Variants in ANKS1B observed in about 807,000 individuals in gnomAD.
The protein encoded by ANKS1B is ankyrin repeat and sterile alpha motif domain containing 1B, also known as ankyrin repeat and sterile alpha motif domain-containing protein 1B.
In ANKS1B, 36 loss-of-function variants were observed where a neutral mutation model predicts 148.3. The observed-to-expected ratio is 0.24, with a 90% CI of 0.19 to 0.32. The LOEUF (loss-of-function observed/expected upper bound fraction) is 0.32. Among genes scored for constraint, ANKS1B ranks in the 10% least tolerant of loss-of-function variants. ANKS1B has a pLI of 1.00. For synonymous variants in ANKS1B, 542 were observed against 560.8 expected (o/e 0.97, Z 0.47); for missense variants, 1,157 against 1,542.6 (o/e 0.75, Z 4.19).
intron 17 of ANKS1B, among the ~76,000 whole-genome samples, chr12:99,021,473 G>T (rs4762540): frequency 0.4 from 61,208 of 151,720 alleles, 12,615 homozygotes; most frequent in South Asian, 0.51. Flanking sequence ...CTCATTTGGG[G>T]GCATGCTTAG....
chr12:99,876,877 C>T (rs1395716085), intron 1 of ANKS1B, among the ~76,000 whole-genome samples: 3 of 152,134 alleles, frequency 2.0e-5, no homozygotes, highest in African/African-American at 7.2e-5. Context: ...TGCACATAGT[C>T]AGATGGTGCA....
intron 1 of ANKS1B, among the ~76,000 whole-genome samples, chr12:99,838,800 T>C (rs1019013226): frequency 2.6e-5 from 4 of 152,102 alleles, no homozygotes; most frequent in Admixed American, 1.3e-4. Context: ...ATATGAGGTA[T>C]TTCCCAATGG....
intron 1 of ANKS1B, among the ~76,000 whole-genome samples, chr12:99,872,732 A>G (rs921455278): frequency 6.6e-6 from 1 of 152,158 alleles, no homozygotes; most frequent in African/African-American, 2.4e-5. Context: ...TAGTCTGAAA[A>G]GAAGGATCAC....
At chr12:99,623,783 C>T (rs1026881232) in intron 9 of ANKS1B, among the ~76,000 whole-genome samples, 4 of 151,870 alleles carry the variant, frequency 2.6e-5, no homozygotes, top group African/African-American at 4.8e-5. Flanking sequence ...AAACATTCCA[C>T]GCTCATGGAT....
Position 99,015,626 on chromosome 12 carries a change from A to G in ANKS1B, c.2778+37531T>C, listed in dbSNP as rs1443763289. 1.1e-4 allele frequency among the ~76,000 whole-genome samples: 16 copies of G among 152,168 alleles called. No homozygotes were observed. The South Asian group carries it at 1.9e-3, about 18-fold the overall frequency. On this transcript the variant is annotated intron_variant, in intron 17 of 26. Transcript: ENST00000683438. ...TCATGCCTGTAATCCCAGCACTTTGAGAGGCCGAGGTGGGCGGATCAGGAG... is the reference window on the plus strand; with the variant it reads ...TCATGCCTGTAATCCCAGCACTTTGGGAGGCCGAGGTGGGCGGATCAGGAG...
At chr12:99,650,273 C>T (rs983681656) in intron 9 of ANKS1B, among the ~76,000 whole-genome samples, 2 of 90,424 alleles carry the variant, frequency 2.2e-5, no homozygotes, top group African/African-American at 7.1e-5. Context: ...AAATGAGAAC[C>T]CAGGAATACA....
chr12:99,317,374 C>G (rs1381796543), intron 12 of ANKS1B, among the ~76,000 whole-genome samples: 1 of 152,042 alleles, frequency 6.6e-6, no homozygotes, highest in Admixed American at 6.6e-5. Context: ...TGAAGAGGTC[C>G]TTCATGTTCC....
At position 99,222,177 on chromosome 12, in the gene ANKS1B, T is replaced by C. The variant is rs1317277754; in HGVS notation, c.2419+22165A>G. Among the ~76,000 whole-genome samples, 7 of 152,316 alleles carry C rather than the reference T, an allele frequency of 4.6e-5. No homozygotes were observed. In the East Asian group the frequency reaches 9.6e-4, roughly 21 times the overall value. The stretch of plus-strand genomic sequence containing the variant: ...AAAAATATATTTTTATATTTGCTTG[T>C]ACCTCGGTTAAATATCCCTGGAAGG... On this transcript the variant is annotated intron_variant, in intron 14 of 26. Transcript: ENST00000683438.
rs1383251278 is a variant in ANKS1B at position 99,327,641 on chromosome 12, A to T, written c.1756+71990T>A. Among the ~76,000 whole-genome samples, 44 of 149,538 alleles carry T rather than the reference A, an allele frequency of 2.9e-4. No homozygotes were observed. The Admixed American group carries it at 3.0e-3, about 10-fold the overall frequency. On this transcript the variant is annotated intron_variant, in intron 12 of 26. Coordinates refer to ENST00000683438, the MANE Select transcript of ANKS1B (RefSeq NM_001352186.2). ...AGGTATATGTATCCCCCCCATATAT[A>T]TATGCCACTCATTGGTCTTACCTTG... is the stretch of plus-strand genomic sequence containing the variant.
chr12:99,824,849 A>G (rs1346502481), intron 2 of ANKS1B, among the ~76,000 whole-genome samples: 1 of 152,230 alleles, frequency 6.6e-6, no homozygotes, highest in Non-Finnish European at 1.5e-5. Flanking sequence ...TGACAAAGAT[A>G]AAACATTTTA....
rs375944499 is a variant in ANKS1B, at chr12:99,278,895, T to C, written c.1757-32031A>G. Among the ~76,000 whole-genome samples the C allele has an allele frequency of 8.3e-4, 127 of 152,358 alleles. 4 individuals are homozygous for C. The South Asian group carries it at 0.022, about 26-fold the overall frequency. ...AAAATATCTAGGTATGACTAGCCTT[T>C]CTGCTGCTTCATATGATCTTGTATT... On this transcript the variant is annotated intron_variant, in intron 12 of 26. Coordinates refer to ENST00000683438, the MANE Select transcript of ANKS1B (RefSeq NM_001352186.2).
intron 1 of ANKS1B, among the ~76,000 whole-genome samples, chr12:99,873,412 T>A (rs186172595): frequency 1.3e-5 from 2 of 152,314 alleles, no homozygotes; most frequent in East Asian, 3.9e-4. Context: ...TAGTTGATGA[T>A]GCTGTGCAAA....
At chr12:98,838,366 T>C (rs1567027860) in intron 17 of ANKS1B, among the ~76,000 whole-genome samples, 3 of 152,212 alleles carry the variant, frequency 2.0e-5, no homozygotes, top group Admixed American at 2.0e-4. Flanking sequence ...TGTCTCTATG[T>C]TCTGCATGAA....
intron 15 of ANKS1B, chr12:99,104,514 T>C (rs978368908): frequency 5.3e-5 from 8 of 152,194 alleles, no homozygotes; most frequent in African/African-American, 1.7e-4. Flanking sequence ...TCTTCTCTTA[T>C]TACTTCAGGT....
chr12:99,918,869 A>G (rs1378364397), intron 1 of ANKS1B, among the ~76,000 whole-genome samples: 2 of 152,232 alleles, frequency 1.3e-5, no homozygotes, highest in African/African-American at 2.4e-5. Flanking sequence ...CCTTAAAAAC[A>G]TACCTAAACA....
chr12:98,743,057 C>CTAA (rs1555226834), downstream of ANKS1B, among the ~76,000 whole-genome samples: 1 of 152,294 alleles, frequency 6.6e-6, no homozygotes, highest in African/African-American at 2.4e-5. Context: ...CCATTATATT[C>CTAA]TAATTCTCTT....
intron 12 of ANKS1B, among the ~76,000 whole-genome samples, chr12:99,284,996 G>A (rs1284870569): frequency 6.6e-6 from 1 of 152,094 alleles, no homozygotes; most frequent in Non-Finnish European, 1.5e-5. Context: ...CACACTTAAA[G>A]TGTATAACTT....
chr12:99,974,146 C>A (rs904102415), intron 1 of ANKS1B, among the ~76,000 whole-genome samples: 2 of 152,230 alleles, frequency 1.3e-5, no homozygotes, highest in Admixed American at 6.5e-5. Context: ...AACATTGAGA[C>A]AAGACCTTCT....
intron 17 of ANKS1B, among the ~76,000 whole-genome samples, chr12:98,861,078 C>T (rs976775506): frequency 4.6e-5 from 7 of 152,296 alleles, no homozygotes; most frequent in African/African-American, 1.7e-4. Flanking sequence ...CTGACCCTTT[C>T]TCCCCTCCAG....
Sources: gnomAD v4.1 joint callset for allele counts (sites outside exome capture counted in the v4.1 genomes callset) on GRCh38, gnomAD v4.1.1 for gene constraint, MANE v1.5 for transcripts, NCBI Gene and HGNC (gene_info 2026-07-23, HGNC 2026-07-21) for gene names.